The following CACNA1D variants were observed in gnomAD, a reference collection of about 807,000 sequenced individuals.
The protein encoded by CACNA1D is calcium voltage-gated channel subunit alpha1 D.
CACNA1D carries 55 observed loss-of-function variants against 257.1 expected under a neutral mutation model. That is an observed-to-expected ratio of 0.21 (90% CI 0.17 to 0.27). CACNA1D has a LOEUF of 0.27. CACNA1D is among the 10% of genes least tolerant of loss of function. The pLI is 1.00. For synonymous variants in CACNA1D, 980 were observed against 1,014.9 expected (o/e 0.97, Z 0.65); for missense variants, 1,876 against 2,784.0 (o/e 0.67, Z 7.34).
intron 3 of CACNA1D, among the ~76,000 whole-genome samples, chr3:53,507,977 A>AGG (rs11372089): frequency 3.2e-4 from 49 of 151,838 alleles, no homozygotes; most frequent in East Asian, 1.9e-3. Context: ...ACAGCTGGAA[A>AGG]GGGGGGGCTG....
intron 40 of CACNA1D, chr3:53,791,107 C>G: frequency 1.4e-6 from 1 of 694,044 alleles, no homozygotes; most frequent in South Asian, 1.5e-5. Context: ...ACTGAAACAG[C>G]ATTTCAGAAG....
At chr3:53,582,041 A>G (rs2093141180) in intron 3 of CACNA1D, among the ~76,000 whole-genome samples, 1 of 152,150 alleles carries the variant, frequency 6.6e-6, no homozygotes, top group Non-Finnish European at 1.5e-5. Context: ...GTATGCACAG[A>G]TCCCACGCCC....
Position 53,562,660 on chromosome 3 carries a change from C to G in CACNA1D, c.483+60940C>G, listed in dbSNP as rs564501019. Among the ~76,000 whole-genome samples, 27 of 152,192 alleles carry G rather than the reference C, an allele frequency of 1.8e-4. 1 individual carries two copies. In the East Asian group the frequency reaches 2.9e-3, roughly 16 times the overall value. ...TAACATTTTCATAAATGCCTCCCCCCCCAAATTCTCTTGAACCTGTGTGAG... is the reference window on the plus strand; with the variant it reads ...TAACATTTTCATAAATGCCTCCCCCGCCAAATTCTCTTGAACCTGTGTGAG... On this transcript the variant is annotated intron_variant, in intron 3 of 47. Transcript: ENST00000350061.
intron 3 of CACNA1D, among the ~76,000 whole-genome samples, chr3:53,576,996 A>T (rs757957070): frequency 2.6e-4 from 40 of 152,214 alleles, no homozygotes; most frequent in Non-Finnish European, 5.4e-4. Flanking sequence ...TTCCAAAGGC[A>T]CAACTCACCA....
intron 30 of CACNA1D, among the ~76,000 whole-genome samples, chr3:53,763,752 C>T (rs1010250793): frequency 3.9e-5 from 6 of 152,168 alleles, no homozygotes; most frequent in African/African-American, 1.2e-4. Context: ...CTGATCCTGG[C>T]GTGTGAATAG....
chr3:53,794,691 T>G (rs540410927), intron 40 of CACNA1D, among the ~76,000 whole-genome samples: 2 of 152,276 alleles, frequency 1.3e-5, no homozygotes, highest in East Asian at 3.9e-4. Flanking sequence ...AACGGAGCAG[T>G]TTTTAAAACA....
intron 9 of CACNA1D, among the ~76,000 whole-genome samples, chr3:53,712,970 C>T (rs1190649412): frequency 7.2e-5 from 11 of 152,158 alleles, no homozygotes; most frequent in South Asian, 2.1e-4. Flanking sequence ...TCTCCTGTGA[C>T]GCCCTGAGGC....
intron 4 of CACNA1D, among the ~76,000 whole-genome samples, chr3:53,653,720 C>CATATAT (rs3082748): frequency 2.6e-4 from 39 of 150,868 alleles, no homozygotes; most frequent in Admixed American, 9.2e-4. Flanking sequence ...AGTGGTCTAA[C>CATATAT]ATATATATAT....
chr3:53,783,939 G>A (rs2095439344), intron 39 of CACNA1D, among the ~76,000 whole-genome samples: 1 of 152,216 alleles, frequency 6.6e-6, no homozygotes, highest in African/African-American at 2.4e-5. Context: ...ACTCCAAGTG[G>A]CTGGGACTGG....
At chr3:53,672,907 T>A in intron 7 of CACNA1D, 116 bp from the exon 8 acceptor site, 1 of 716,278 alleles carries the variant, frequency 1.4e-6, no homozygotes, top group Middle Eastern at 2.9e-4. Flanking sequence ...TGTTTCTGAT[T>A]TAAATCTAAG....
chr3:53,496,347 C>T (rs923261793), intron 1 of CACNA1D, among the ~76,000 whole-genome samples: 2 of 152,180 alleles, frequency 1.3e-5, no homozygotes, highest in Non-Finnish European at 2.9e-5. Flanking sequence ...GAGATAATTC[C>T]CTCTTAGGCC....
At chr3:53,568,318 G>GCTAC (rs1259769001) in intron 3 of CACNA1D, among the ~76,000 whole-genome samples, 1 of 152,184 alleles carries the variant, frequency 6.6e-6, no homozygotes, top group African/African-American at 2.4e-5. Context: ...TGGCATTGAT[G>GCTAC]CTACATTCAG....
intron 3 of CACNA1D, among the ~76,000 whole-genome samples, chr3:53,577,581 A>G (rs1017080143): frequency 1.3e-5 from 2 of 152,160 alleles, no homozygotes; most frequent in Non-Finnish European, 2.9e-5. Context: ...CTGGCCCTGC[A>G]GTGGCCAGAA....
intron 3 of CACNA1D, among the ~76,000 whole-genome samples, chr3:53,519,502 T>C (rs1437502249): frequency 1.3e-5 from 2 of 152,204 alleles, no homozygotes; most frequent in East Asian, 1.9e-4. Context: ...GTCAGTGTTC[T>C]GCAGCCAGGA....
intron 3 of CACNA1D, among the ~76,000 whole-genome samples, chr3:53,547,090 A>G (rs1050886769): frequency 7.9e-5 from 12 of 152,232 alleles, no homozygotes; most frequent in African/African-American, 2.9e-4. Flanking sequence ...AGGCTCATGT[A>G]TGTTGAGTGA....
chr3:53,678,520 A>C (rs2094397855), intron 8 of CACNA1D, among the ~76,000 whole-genome samples: 1 of 152,226 alleles, frequency 6.6e-6, no homozygotes, highest in Admixed American at 6.5e-5. Flanking sequence ...TATCTTTAGA[A>C]GTTTAAGGGA....
chr3:53,499,077 T>C (rs2090472191), intron 2 of CACNA1D, among the ~76,000 whole-genome samples: 2 of 152,264 alleles, frequency 1.3e-5, no homozygotes, highest in South Asian at 4.1e-4. Flanking sequence ...CTTTGTGGGG[T>C]CACTACTTTT....
chr3:53,756,317 A>G (rs1278417382), intron 29 of CACNA1D, among the ~76,000 whole-genome samples: 1 of 152,202 alleles, frequency 6.6e-6, no homozygotes, highest in Non-Finnish European at 1.5e-5. Context: ...GCCCAAGGTC[A>G]TGGGAGATGA....
chr3:53,663,171 C>T (rs2094222390), intron 5 of CACNA1D, among the ~76,000 whole-genome samples: 1 of 152,212 alleles, frequency 6.6e-6, no homozygotes, highest in South Asian at 2.1e-4. Context: ...TCTCCCCTGC[C>T]TCCTCCTGTG....
Sources: gnomAD v4.1 joint callset for allele counts (sites outside exome capture counted in the v4.1 genomes callset) on GRCh38, gnomAD v4.1.1 for gene constraint, MANE v1.5 for transcripts, NCBI Gene and HGNC (gene_info 2026-07-23, HGNC 2026-07-21) for gene names.